Variants in CYP19A1 observed in about 807,000 individuals in gnomAD.
The protein encoded by CYP19A1 is cytochrome P450 family 19 subfamily A member 1, also known as aromatase.
Under a neutral mutation model 44.4 loss-of-function variants are expected in CYP19A1, and 32 were observed. The ratio of observed to expected loss-of-function variants is 0.72; its 90% CI spans 0.54 to 0.97. The LOEUF is 0.97. CYP19A1 is among the 50% of genes least tolerant of loss of function. The probability of loss-of-function intolerance (pLI) is 0.00; values close to 1 mark genes in which losing one functional copy is unlikely to be tolerated. For synonymous variants in CYP19A1, 212 were observed against 215.6 expected (o/e 0.98, Z 0.14); for missense variants, 598 against 637.8 (o/e 0.94, Z 0.67).
chr15:51,235,010 G>T (rs2033295439), intron 3 of CYP19A1, among the ~76,000 whole-genome samples: 1 of 152,154 alleles, frequency 6.6e-6, no homozygotes, highest in South Asian at 2.1e-4. Flanking sequence ...GGGCTGGGGA[G>T]AGCTGAAAGG....
At chr15:51,238,689 T>A (rs1427811995) in intron 2 of CYP19A1, among the ~76,000 whole-genome samples, 1 of 152,144 alleles carries the variant, frequency 6.6e-6, no homozygotes, top group Non-Finnish European at 1.5e-5. Flanking sequence ...GGACCTGCCA[T>A]TCAAATGTAA....
intron 6 of CYP19A1, among the ~76,000 whole-genome samples, chr15:51,218,252 T>C (rs2031756433): frequency 6.6e-6 from 1 of 152,142 alleles, no homozygotes; most frequent in Non-Finnish European, 1.5e-5. Context: ...ACCCTTCTCT[T>C]CAACTCAAAA....
intron 4 of CYP19A1, among the ~76,000 whole-genome samples, chr15:51,227,029 C>T (rs1160342681): frequency 6.6e-6 from 1 of 152,004 alleles, no homozygotes; most frequent in African/African-American, 2.4e-5. Flanking sequence ...CATTGTTTGG[C>T]CGTGTTTAAA....
chr15:51,289,481 G>T (rs1220829578), intron 1 of CYP19A1, among the ~76,000 whole-genome samples: 8 of 152,104 alleles, frequency 5.3e-5, no homozygotes, highest in Admixed American at 5.2e-4. Flanking sequence ...ACTTGGCTCT[G>T]CTTGTCATCA....
At chr15:51,226,090 GAAAAAAAAAAAA>G (rs55642133) in intron 4 of CYP19A1, among the ~76,000 whole-genome samples, 4 of 44,432 alleles carry the variant, frequency 9.0e-5, no homozygotes, top group Non-Finnish European at 1.1e-4. Context: ...CTCTGTCTCA[GAAAAAAAAAAAA>G]AAAAAAAAAA....
intron 1 of CYP19A1, among the ~76,000 whole-genome samples, chr15:51,335,107 T>C (rs1369744917): frequency 6.6e-6 from 1 of 152,122 alleles, no homozygotes; most frequent in Non-Finnish European, 1.5e-5. Context: ...ATCTCAGCAC[T>C]TGTTTCCAGA....
At chr15:51,262,610 C>T (rs112907485) in intron 1 of CYP19A1, among the ~76,000 whole-genome samples, 2,174 of 152,332 alleles carry the variant, frequency 0.014, 29 homozygotes, top group Admixed American at 0.022. Flanking sequence ...GACTCACAGA[C>T]TTGAGGCCTC....
chr15:51,308,087 G>T (rs906848828), intron 1 of CYP19A1, among the ~76,000 whole-genome samples: 1 of 152,242 alleles, frequency 6.6e-6, no homozygotes, highest in Non-Finnish European at 1.5e-5. Context: ...GAAGGTAGGA[G>T]ACTGGCAAGA....
chr15:51,302,484 C>T (rs923141422), intron 1 of CYP19A1, among the ~76,000 whole-genome samples: 1 of 152,234 alleles, frequency 6.6e-6, no homozygotes, highest in African/African-American at 2.4e-5. Context: ...TAATTCAAAA[C>T]AGTGGCCTAT....
Position 51,328,474 on chromosome 15 carries a change from C to T in CYP19A1, c.-39+10021G>A, listed in dbSNP as rs559694578. 2.6e-5 allele frequency among the ~76,000 whole-genome samples: 4 copies of T among 152,206 alleles called. No homozygotes were observed. The South Asian group carries it at 8.3e-4, about 32-fold the overall frequency. ...TAACAAACTGTGATAGTAACAAATG[C>T]CTCCACAAATTTCCAAAGATAGCTC... is the stretch of plus-strand genomic sequence containing the variant. On this transcript the variant is annotated intron_variant, in intron 1 of 9. Transcript: ENST00000396402.
intron 1 of CYP19A1, among the ~76,000 whole-genome samples, chr15:51,267,498 G>A (rs1193954684): frequency 6.6e-6 from 1 of 152,190 alleles, no homozygotes; most frequent in Non-Finnish European, 1.5e-5. Flanking sequence ...CAGCGTGGCG[G>A]CGAGGTCCCT....
At chr15:51,246,281 A>G (rs1478465555) in intron 1 of CYP19A1, among the ~76,000 whole-genome samples, 1 of 152,262 alleles carries the variant, frequency 6.6e-6, no homozygotes, top group Admixed American at 6.5e-5. Context: ...ACACATGTAC[A>G]TGCACATGGC....
chr15:51,294,724 C>T (rs955857518), intron 1 of CYP19A1, among the ~76,000 whole-genome samples: 7 of 146,684 alleles, frequency 4.8e-5, no homozygotes, highest in African/African-American at 1.3e-4. Context: ...TCTGGCCAGC[C>T]GCCCCCCGGG....
chr15:51,221,918 T>C (rs2032117751), intron 5 of CYP19A1: 1 of 199,638 alleles, frequency 5.0e-6, no homozygotes, highest in Non-Finnish European at 1.0e-5. Flanking sequence ...AATGTTTTCA[T>C]GTTTAGTAGC....
intron 1 of CYP19A1, among the ~76,000 whole-genome samples, chr15:51,336,752 G>A (rs1401423861): frequency 6.6e-6 from 1 of 152,130 alleles, no homozygotes; most frequent in Non-Finnish European, 1.5e-5. Flanking sequence ...TGGAAATGAA[G>A]CATCTGCCTT....
At chr15:51,253,591 C>T (rs1041461107) in intron 1 of CYP19A1, among the ~76,000 whole-genome samples, 1 of 152,166 alleles carries the variant, frequency 6.6e-6, no homozygotes, top group African/African-American at 2.4e-5. Context: ...CATTTCCCCA[C>T]ATTTTCTATC....
chr15:51,222,228 G>T (rs956533031), intron 5 of CYP19A1, 121 bp downstream of exon 5: 5 of 1,550,744 alleles, frequency 3.2e-6, no homozygotes, highest in Non-Finnish European at 3.5e-6. Context: ...GGAGTACTTA[G>T]AAATGTTTAA....
At chr15:51,280,051 C>A (rs1442894854) in intron 1 of CYP19A1, 2 of 152,204 alleles carry the variant, frequency 1.3e-5, no homozygotes, top group East Asian at 1.9e-4. Context: ...CTGGCTCCCT[C>A]CATAAGAGCC....
At chr15:51,327,029 A>G (rs1221517372) in intron 1 of CYP19A1, among the ~76,000 whole-genome samples, 3 of 120,660 alleles carry the variant, frequency 2.5e-5, no homozygotes. Flanking sequence ...CTCCCACTAC[A>G]TTTCCAATGA....
Sources: gnomAD v4.1 joint callset for allele counts (sites outside exome capture counted in the v4.1 genomes callset) on GRCh38, gnomAD v4.1.1 for gene constraint, MANE v1.5 for transcripts, NCBI Gene and HGNC (gene_info 2026-07-23, HGNC 2026-07-21) for gene names.